The following SUMF1 variants were observed in gnomAD, a reference collection of about 807,000 sequenced individuals.
SUMF1 encodes sulfatase modifying factor 1.
Under a neutral mutation model 47.6 loss-of-function variants are expected in SUMF1, and 48 were observed. That is an observed-to-expected ratio of 1.01 (90% CI 0.80 to 1.28). The LOEUF is 1.28. Ranked by LOEUF, SUMF1 falls within the 50% of genes most tolerant of loss-of-function variation. The pLI is 0.00. For synonymous variants in SUMF1, 230 were observed against 192.1 expected, an observed-to-expected ratio of 1.20 and a Z score of -1.63; for missense variants, 571 against 485.4, an observed-to-expected ratio of 1.18 and a Z score of -1.66.
chr3:4,109,288 A>G (rs1187380643), intron 8 of SUMF1, among the ~76,000 whole-genome samples: 4 of 152,102 alleles, frequency 2.6e-5, no homozygotes, highest in Admixed American at 6.5e-5. Context: ...TTCTGCAGAG[A>G]GATCCGCTGT....
chr3:4,105,408 CCTGA>C lies in SUMF1; in HGVS notation c.1015-36667_1015-36664del, dbSNP rs200627330. Among the ~76,000 whole-genome samples, 4 of 152,096 alleles carry C rather than the reference CCTGA, an allele frequency of 2.6e-5. No homozygotes were observed. In the East Asian group the frequency reaches 7.7e-4, roughly 29 times the overall value. On this transcript the variant is annotated intron_variant and NMD_transcript_variant, in intron 8 of 12. Transcript: ENST00000448413. ...CAAAACTTAAGTTTTCTGCAGTGAG[CCTGA>C]CTAACACAGGTGATAAGTTTGTGAA...
chr3:4,439,263 C>A (rs115608081), intron 3 of SUMF1, among the ~76,000 whole-genome samples: 3,611 of 152,212 alleles, frequency 0.024, 132 homozygotes, highest in African/African-American at 0.083. Context: ...TGGCTCAACG[C>A]CTGTAATGCC....
Position 4,157,718 on chromosome 3 carries a change from G to A in SUMF1, c.1015-88973C>T, listed in dbSNP as rs559511638. Among the ~76,000 whole-genome samples, 8 of 151,384 alleles carry A rather than the reference G, an allele frequency of 5.3e-5. No homozygotes were observed. In the East Asian group the frequency reaches 5.8e-4, roughly 11 times the overall value. On this transcript the variant is annotated intron_variant and NMD_transcript_variant, in intron 8 of 12. Coordinates refer to the SUMF1 transcript ENST00000448413. The stretch of plus-strand genomic sequence containing the variant: ...GCTTCTTTATTTATTCCTTTTTCCA[G>A]CATAAGGCAATTAAGACTTTAAGTT...
chr3:4,129,632 T>C (rs943450764), intron 8 of SUMF1, among the ~76,000 whole-genome samples: 6 of 152,086 alleles, frequency 3.9e-5, no homozygotes, highest in East Asian at 1.9e-4. Flanking sequence ...CTTTCTGCCA[T>C]GCTTCCCCAA....
At chr3:4,215,416 T>C (rs1695899712) in intron 8 of SUMF1, among the ~76,000 whole-genome samples, 1 of 152,208 alleles carries the variant, frequency 6.6e-6, no homozygotes, top group African/African-American at 2.4e-5. Flanking sequence ...GAGCTATTTA[T>C]GACAAACCCA....
At chr3:4,175,040 C>G (rs913519505) in intron 8 of SUMF1, among the ~76,000 whole-genome samples, 1 of 152,226 alleles carries the variant, frequency 6.6e-6, no homozygotes, top group Non-Finnish European at 1.5e-5. Flanking sequence ...GAAGCTCAAA[C>G]TGGGTGGGAC....
At chr3:4,341,242 AAG>A (rs1381754699) in intron 8 of SUMF1, among the ~76,000 whole-genome samples, 3 of 151,960 alleles carry the variant, frequency 2.0e-5, no homozygotes, top group African/African-American at 2.4e-5. Context: ...ATTAAAAAAA[AAG>A]AAAAAGAAAA....
At position 4,362,380 on chromosome 3, in the gene SUMF1, A is replaced by C. The variant is rs1005750779; in HGVS notation, c.1015-126T>G. The C allele has an allele frequency of 1.0e-5, 8 of 767,094 alleles. No homozygotes were observed. In the African/African-American group the frequency reaches 1.4e-4, roughly 13 times the overall value. 47.5% of individuals were successfully genotyped at this position (767,094 alleles called of 1,614,324 possible). Reference sequence around the variant, plus strand: ...CACAACCCTGCCTGTATGGATACTTAACATGTATGCTTTAAAAAGGGCAGC... The same window carrying C: ...CACAACCCTGCCTGTATGGATACTTCACATGTATGCTTTAAAAAGGGCAGC... On this transcript the variant is annotated intron_variant, in intron 8 of 8. Coordinates refer to ENST00000272902, the MANE Select transcript of SUMF1 (RefSeq NM_182760.4).
At chr3:4,234,123 T>C (rs1167772573) in intron 8 of SUMF1, among the ~76,000 whole-genome samples, 7 of 152,128 alleles carry the variant, frequency 4.6e-5, no homozygotes, top group Non-Finnish European at 8.8e-5. Flanking sequence ...AATTTACCCA[T>C]AGTTACAGAT....
At chr3:4,340,841 GGGC>G (rs1699257532) in intron 8 of SUMF1, among the ~76,000 whole-genome samples, 1 of 152,136 alleles carries the variant, frequency 6.6e-6, no homozygotes, top group Non-Finnish European at 1.5e-5. Flanking sequence ...TAGAATATGA[GGGC>G]CTCATCTACA....
In SUMF1 at chr3:4,377,087, C is replaced by T. The variant is rs138523498; in HGVS notation, c.955-698G>A. 2.6e-4 allele frequency among the ~76,000 whole-genome samples: 39 copies of T among 152,312 alleles called. No homozygotes were observed. In the East Asian group the frequency reaches 7.5e-3, roughly 29 times the overall value. ...AAGTGCTGGGATTACAGGCATGCAACACCATGCCAAGCCAGAATTATATGT... is the reference window on the plus strand; with the variant it reads ...AAGTGCTGGGATTACAGGCATGCAATACCATGCCAAGCCAGAATTATATGT... On this transcript the variant is annotated intron_variant, in intron 7 of 8. Coordinates refer to ENST00000272902, the MANE Select transcript of SUMF1 (RefSeq NM_182760.4).
rs534281020 is a variant in SUMF1, at chr3:4,189,756, C to A, written c.1015-121011G>T. 2.2e-4 allele frequency among the ~76,000 whole-genome samples: 34 copies of A among 152,098 alleles called. 1 individual carries two copies. The highest frequency in any genetic ancestry group is 3.1e-4 in the Non-Finnish European group (21 of 68,022). On this transcript the variant is annotated intron_variant and NMD_transcript_variant, in intron 8 of 12. Coordinates refer to the SUMF1 transcript ENST00000448413. Reference sequence around the variant, plus strand: ...CTCACCTGGGCTGGCACCATCTCCTCCTGCTCCCCCAAAATCCTCTGTACC... The same window carrying A: ...CTCACCTGGGCTGGCACCATCTCCTACTGCTCCCCCAAAATCCTCTGTACC...
chr3:4,377,516 T>C (rs1700366856), intron 7 of SUMF1, among the ~76,000 whole-genome samples: 1 of 152,152 alleles, frequency 6.6e-6, no homozygotes. Context: ...GCGCTCCCAC[T>C]TAGAGACAAG....
chr3:4,098,722 T>C (rs562671144), intron 8 of SUMF1, among the ~76,000 whole-genome samples: 1 of 152,278 alleles, frequency 6.6e-6, no homozygotes, highest in South Asian at 2.1e-4. Flanking sequence ...TTGGGATGTT[T>C]CCTCCATCTG....
intron 8 of SUMF1, among the ~76,000 whole-genome samples, chr3:4,085,572 TAGTC>T (rs1692654422): frequency 6.6e-6 from 1 of 152,132 alleles, no homozygotes; most frequent in South Asian, 2.1e-4. Flanking sequence ...TTGTCACTCA[TAGTC>T]AGTCTTAAAG....
chr3:4,420,397 ATTT>A (rs35849841), intron 3 of SUMF1, among the ~76,000 whole-genome samples: 46 of 140,834 alleles, frequency 3.3e-4, no homozygotes, highest in Middle Eastern at 3.6e-3. Context: ...ATCTATAAGA[ATTT>A]TTTTTTTTTT....
chr3:4,276,295 T>A (rs1271361356), intron 8 of SUMF1, among the ~76,000 whole-genome samples: 4 of 152,210 alleles, frequency 2.6e-5, no homozygotes, highest in Admixed American at 2.6e-4. Flanking sequence ...AATATGCATG[T>A]TGATTTAAAT....
chr3:4,070,632 CTTTT>C (rs1695498368), intron 8 of SUMF1, among the ~76,000 whole-genome samples: 1 of 151,994 alleles, frequency 6.6e-6, no homozygotes, highest in Non-Finnish European at 1.5e-5. Flanking sequence ...TCAGTCCTTT[CTTTT>C]TCTTTTTTCT....
chr3:4,053,853 G>A (rs1161136292), intron 9 of SUMF1, among the ~76,000 whole-genome samples: 1 of 152,092 alleles, frequency 6.6e-6, no homozygotes, highest in Non-Finnish European at 1.5e-5. Flanking sequence ...CAAGAGAAAT[G>A]TGAAATATGG....
Sources: allele counts gnomAD v4.1 joint callset (sites outside exome capture counted in the v4.1 genomes callset), GRCh38; gene constraint gnomAD v4.1.1; transcripts MANE v1.5; gene names NCBI Gene and HGNC (gene_info 2026-07-23, HGNC 2026-07-21).